AKAP12: variants seen among roughly 807,000 people sequenced by gnomAD.
The protein encoded by AKAP12 is A-kinase anchoring protein 12.
AKAP12 carries 32 observed loss-of-function variants against 79.9 expected under a neutral mutation model. The observed-to-expected ratio is 0.40, with a 90% CI of 0.30 to 0.54. The LOEUF is 0.54. Ranked by LOEUF, AKAP12 falls within the 20% of genes least tolerant of loss-of-function variation. The probability of loss-of-function intolerance (pLI) is 0.48; values close to 1 mark genes in which losing one functional copy is unlikely to be tolerated. For synonymous variants in AKAP12, 808 were observed against 857.0 expected, an observed-to-expected ratio of 0.94 and a Z score of 1.00; for missense variants, 2,074 against 2,177.0, an observed-to-expected ratio of 0.95 and a Z score of 0.94.
chr6:151,280,777 A>G (rs1169256380), intron 2 of AKAP12, among the ~76,000 whole-genome samples: 1 of 151,440 alleles, frequency 6.6e-6, no homozygotes, highest in African/African-American at 2.4e-5. Context: ...AGTAGCTAGG[A>G]CTACAGTTGT....
chr6:151,321,742 C>T (rs775450516), intron 3 of AKAP12, among the ~76,000 whole-genome samples: 55 of 151,942 alleles, frequency 3.6e-4, no homozygotes, highest in Non-Finnish European at 7.4e-4. Flanking sequence ...TTATGTTTAA[C>T]ATTCTGAGGA....
intron 2 of AKAP12, among the ~76,000 whole-genome samples, chr6:151,251,572 G>T (rs184169956): frequency 1.3e-5 from 2 of 152,292 alleles, no homozygotes; most frequent in Admixed American, 1.3e-4. Context: ...AGTCTGACAA[G>T]AACATCTACT....
chr6:151,320,840 T>C (rs755727599), intron 3 of AKAP12, among the ~76,000 whole-genome samples: 3 of 152,194 alleles, frequency 2.0e-5, no homozygotes, highest in Non-Finnish European at 4.4e-5. Context: ...CAAAGTTCTT[T>C]TTTAAAGAAA....
At position 151,347,997 on chromosome 6, in the gene AKAP12, C is replaced by A. The variant is rs538255074; in HGVS notation, c.320-714C>A. Among the ~76,000 whole-genome samples, 6 of 149,888 alleles carry A rather than the reference C, an allele frequency of 4.0e-5. No homozygotes were observed. In the East Asian group the frequency reaches 1.2e-3, roughly 30 times the overall value. ...CCATTCTGGCTAACACGGTGAAACC[C>A]CGTCTCTATACTAAAAATACAAAAA... On this transcript the variant is annotated intron_variant, in intron 3 of 4. Transcript: ENST00000402676.
chr6:151,341,920 C>G (rs776739400), intron 3 of AKAP12: 44 of 588,350 alleles, frequency 7.5e-5, no homozygotes, highest in Admixed American at 1.7e-4. Flanking sequence ...TAGAGCCGCC[C>G]GCTGCCCTTG....
Position 151,349,284 on chromosome 6 carries a change from A to T in AKAP12, c.893A>T (p.Lys298Ile). Reference protein sequence around the residue: ...VTSETGSTFKKFFTQGWAGWR... With the variant: ...VTSETGSTFKIFFTQGWAGWR... ...AGTGAAACAGGATCAACCTTCAAAA[A>T]ATTCTTCACTCAAGGTTGGGCCGGC... The change falls in exon 4 of 5, where the codon AAA becomes ATA. Residue 298 changes from lysine to isoleucine, a missense_variant. Lys to Ile is a moderately radical substitution (Grantham distance 102, BLOSUM62 -3). Around this residue, in one of 3 missense-constraint regions of AKAP12, gnomAD observed 1,428 missense variants for 1,451.0 expected, o/e 0.98. Transcript: ENST00000402676. 2 of 1,613,384 alleles carry T rather than the reference A, an allele frequency of 1.2e-6. No homozygotes were observed. The highest frequency in any genetic ancestry group is 1.7e-6 in the Non-Finnish European group (2 of 1,179,862).
At chr6:151,299,104 G>A (rs775756651) in intron 2 of AKAP12, among the ~76,000 whole-genome samples, 6 of 152,186 alleles carry the variant, frequency 3.9e-5, no homozygotes, top group Non-Finnish European at 5.9e-5. Flanking sequence ...TCTGTCAGGA[G>A]CCTGTAGTGG....
rs774035691 is a variant in AKAP12, at chr6:151,353,062, C to T, written c.4671C>T (p.Ala1557=). 18 of 1,613,984 alleles carry T rather than the reference C, an allele frequency of 1.1e-5. No homozygotes were observed. The highest frequency in any genetic ancestry group is 6.7e-5 in the African/African-American group (5 of 74,906). ...TTGTCCAAAACATCATCCAGACAGC[C>T]GTTGACCAGTTTGTACGTACAGAAG... is the stretch of plus-strand genomic sequence containing the variant. ...SKLVQNIIQT[A]VDQFVRTEET... Residue 1557 remains alanine (A), a synonymous_variant, in exon 4 of 5, where the codon GCC becomes GCT. Coordinates refer to ENST00000402676, the MANE Select transcript of AKAP12 (RefSeq NM_005100.4).
chr6:151,325,985 G>A, intron 3 of AKAP12: 1 of 1,554,374 alleles, frequency 6.4e-7, no homozygotes, highest in Admixed American at 1.7e-5. Flanking sequence ...TGGGGAGCCC[G>A]GGAGGTCAGT....
At chr6:151,327,439 T>C (rs1346244815) in intron 3 of AKAP12, among the ~76,000 whole-genome samples, 2 of 152,174 alleles carry the variant, frequency 1.3e-5, no homozygotes, top group African/African-American at 4.8e-5. Flanking sequence ...TTCCCCCAGA[T>C]CATTAACTTT....
intron 3 of AKAP12, 31 bp from the exon 4 acceptor site, chr6:151,348,680 T>TCAA: frequency 2.8e-6 from 1 of 355,200 alleles, no homozygotes; most frequent in Non-Finnish European, 5.5e-6. Context: ...TTTTCTCTTC[T>TCAA]CCCCACCCCC....
intron 2 of AKAP12, among the ~76,000 whole-genome samples, chr6:151,262,220 GCT>G (rs1362777401): frequency 8.5e-5 from 13 of 152,350 alleles, no homozygotes; most frequent in Admixed American, 2.6e-4. Context: ...CTCCCAAAGT[GCT>G]GGGATAACAG....
intron 2 of AKAP12, among the ~76,000 whole-genome samples, chr6:151,255,452 C>T (rs1009031922): frequency 1.2e-4 from 18 of 151,990 alleles, no homozygotes; most frequent in African/African-American, 3.6e-4. Flanking sequence ...TGAGCCACCG[C>T]GCCTGGCTGG....
rs751252018 is a variant in AKAP12, at chr6:151,350,998, AGAGCAGCCC to A, written c.2614_2622del (p.Pro872_Gln874del). 1.2e-5 allele frequency: 19 copies of A among 1,613,988 alleles called. No individual in the cohort carries two copies. Among genetic ancestry groups the A allele is most frequent in the East Asian group, 1.1e-4 (5 of 44,872 alleles). ...AGGCACAGCAAGCCCAAAAAAGCGCAGAGCAGCCCGAGCAGAAGGCAGCCACTGAGGTGT... is the reference window on the plus strand; with the variant it reads ...AGGCACAGCAAGCCCAAAAAAGCGCAGAGCAGAAGGCAGCCACTGAGGTGT... On this transcript the variant is annotated inframe_deletion, in exon 4 of 5. Transcript: ENST00000402676. This position sits in a 1 kb window ranked among gnomAD's most constrained non-coding sequence, Gnocchi z 4.8.
At chr6:151,297,001 C>T (rs1224105919) in intron 2 of AKAP12, among the ~76,000 whole-genome samples, 1 of 146,868 alleles carries the variant, frequency 6.8e-6, no homozygotes, top group Non-Finnish European at 1.5e-5. Flanking sequence ...TATTGTATGC[C>T]TAGGTTGAAA....
chr6:151,306,252 A>C (rs1776975722), intron 3 of AKAP12, among the ~76,000 whole-genome samples: 1 of 152,198 alleles, frequency 6.6e-6, no homozygotes, highest in Admixed American at 6.5e-5. Context: ...CTATACTTGT[A>C]CAACTCTTTC....
rs919902710 is a variant in AKAP12, at chr6:151,247,423, C to CA, written c.162+6706dup. On this transcript the variant is annotated intron_variant, in intron 2 of 4. Transcript: ENST00000402676. ...CTCTATTTAAAAAAACAAAACAAAA[C>CA]AAAAAAACAAAAAAACTTTTTCCCC... 6.6e-5 allele frequency among the ~76,000 whole-genome samples: 10 copies of CA among 151,664 alleles called. No homozygotes were observed. The East Asian group carries it at 1.4e-3, about 21-fold the overall frequency.
Position 151,353,710 on chromosome 6 carries a change from A to C in AKAP12, c.5319A>C (p.Glu1773Asp), listed in dbSNP as rs1391632423. The C allele has an allele frequency of 9.4e-6, 15 of 1,600,884 alleles. No individual in the cohort carries two copies. Among genetic ancestry groups the C allele is most frequent in the Non-Finnish European group, 1.3e-5 (15 of 1,174,698 alleles). The change falls in exon 4 of 5, where the codon GAA (glutamate) becomes GAC (aspartate). Residue 1773 changes from glutamate to aspartate, a missense_variant. By Grantham distance (45) the Glu-to-Asp change is conservative (BLOSUM62 2). Around this residue, in one of 3 missense-constraint regions of AKAP12, gnomAD observed 614 missense variants for 665.6 expected, o/e 0.92. Transcript: ENST00000402676. ...AQEELQKQERESAKSELTES is the reference protein window; with the variant it reads ...AQEELQKQERDSAKSELTES ...AGGAGTTACAGAAACAAGAGAGAGA[A>C]TCTGCAAAGTCAGAACTTACAGAAT...
intron 2 of AKAP12, among the ~76,000 whole-genome samples, chr6:151,269,681 T>C (rs577870313): frequency 1.3e-5 from 2 of 152,340 alleles, no homozygotes; most frequent in East Asian, 3.9e-4. Context: ...CTAGTCTCAA[T>C]TGCTGGAAAA....
Sources: gnomAD v4.1 joint callset for allele counts (sites outside exome capture counted in the v4.1 genomes callset) on GRCh38, gnomAD v4.1.1 for gene constraint, gnomAD v4.1.1 regional missense constraint, Gnocchi (gnomAD v3.1) non-coding constraint, MANE v1.5 for transcripts, NCBI Gene and HGNC (gene_info 2026-07-23, HGNC 2026-07-21) for gene names.